The following DSCAML1 variants were observed in gnomAD, a reference collection of about 807,000 sequenced individuals.
DSCAML1 encodes DS cell adhesion molecule like 1.
In DSCAML1, 38 loss-of-function variants were observed where a neutral mutation model predicts 200.5. That is an observed-to-expected ratio of 0.19 (90% CI 0.15 to 0.25). DSCAML1 has a LOEUF of 0.25. DSCAML1 is among the 10% of genes least tolerant of loss of function. The probability of loss-of-function intolerance (pLI) is 1.00; values close to 1 mark genes in which losing one functional copy is unlikely to be tolerated. For missense variants in DSCAML1, 2,223 were observed against 2,858.8 expected (o/e 0.78, Z 5.07); for synonymous variants, 1,215 against 1,165.0 (o/e 1.04, Z -0.87).
At chr11:117,442,370 G>C (rs3863314) in intron 21 of DSCAML1, among the ~76,000 whole-genome samples, 1 of 150,692 alleles carries the variant, frequency 6.6e-6, no homozygotes, top group East Asian at 1.9e-4. Flanking sequence ...GCATATATTA[G>C]TGTGTATAGT....
intron 3 of DSCAML1, among the ~76,000 whole-genome samples, chr11:117,670,649 G>C (rs1229364379): frequency 2.0e-5 from 3 of 152,164 alleles, no homozygotes; most frequent in Non-Finnish European, 4.4e-5. Flanking sequence ...TGTTCACTAA[G>C]CAGCATAACT....
chr11:117,449,378 G>T (rs527980796), intron 20 of DSCAML1, among the ~76,000 whole-genome samples: 1 of 152,148 alleles, frequency 6.6e-6, no homozygotes, highest in Non-Finnish European at 1.5e-5. Flanking sequence ...GTGGGGGGCC[G>T]CAGTCAGTGG....
intron 3 of DSCAML1, among the ~76,000 whole-genome samples, chr11:117,730,809 C>T (rs1348239638): frequency 6.6e-6 from 1 of 152,186 alleles, no homozygotes; most frequent in East Asian, 1.9e-4. Context: ...CACCTCATAT[C>T]CATCAATGGG....
chr11:117,726,266 C>CGTGTGT lies in DSCAML1; in HGVS notation c.511+50519_511+50524dup, dbSNP rs112110901. Among the ~76,000 whole-genome samples the CGTGTGT allele has an allele frequency of 1.3e-3, 187 of 145,810 alleles. 1 individual carries two copies. Among genetic ancestry groups the CGTGTGT allele is most frequent in the African/African-American group, 2.9e-3 (114 of 39,384 alleles). ...GTGTGTATCTCTGTGTGTGTGTGTG[C>CGTGTGT]GTGTGTGTGTGTGTGTGTGTGTGTG... is the stretch of plus-strand genomic sequence containing the variant. On this transcript the variant is annotated intron_variant, in intron 3 of 32. Coordinates refer to ENST00000651296, the MANE Select transcript of DSCAML1 (RefSeq NM_020693.4).
rs147588380 is a variant in DSCAML1, at chr11:117,532,418, C to A, written c.616G>T (p.Gly206Trp). ...GCCCCATTGCTCTGCCGGGTCTCCCCGCTATACTTGTGCTTGGTGATGCAG... is the reference window on the plus strand; with the variant it reads ...GCCCCATTGCTCTGCCGGGTCTCCCAGCTATACTTGTGCTTGGTGATGCAG... ...YRCITKHKYS[G>W]ETRQSNGARL... The change falls in exon 4 of 33, where the codon GGG (glycine) becomes TGG (tryptophan). Residue 206 changes from glycine (G) to tryptophan (W), a missense_variant. Coordinates refer to ENST00000651296, the MANE Select transcript of DSCAML1 (RefSeq NM_020693.4). The A allele has an allele frequency of 6.2e-7, 1 of 1,614,142 alleles. No individual in the cohort carries two copies. The highest frequency in any genetic ancestry group is 1.1e-5 in the South Asian group (1 of 91,070).
intron 3 of DSCAML1, among the ~76,000 whole-genome samples, chr11:117,746,618 C>A (rs888010002): frequency 6.6e-6 from 1 of 152,210 alleles, no homozygotes; most frequent in Non-Finnish European, 1.5e-5. Flanking sequence ...TGGCCTCCTC[C>A]TCAGACCCCT....
At chr11:117,755,191 G>A (rs755589720) in intron 3 of DSCAML1, among the ~76,000 whole-genome samples, 39 of 152,068 alleles carry the variant, frequency 2.6e-4, no homozygotes, top group Non-Finnish European at 5.0e-4. Context: ...CTTCTCTATG[G>A]ATCCCCTAAA....
chr11:117,587,290 T>C (rs905118994), intron 3 of DSCAML1, among the ~76,000 whole-genome samples: 1 of 141,376 alleles, frequency 7.1e-6, no homozygotes, highest in Non-Finnish European at 1.5e-5. Flanking sequence ...ATGATTCCTA[T>C]ATTGTAGTGG....
Position 117,501,778 on chromosome 11 carries a change from C to T in DSCAML1, c.2359+2067G>A, listed in dbSNP as rs114488491. Among the ~76,000 whole-genome samples, 1,384 of 151,996 alleles carry T rather than the reference C, an allele frequency of 9.1e-3. 26 individuals carry two copies. Among genetic ancestry groups the T allele is most frequent in the African/African-American group, 0.032 (1,321 of 41,402 alleles). ...GGTGCCCTGAGCGGGATGACGTGAC[C>T]CCGAGGTGTGGAGAGACAGCAGCTG... On this transcript the variant is annotated intron_variant, in intron 11 of 32. Transcript: ENST00000651296.
At chr11:117,594,626 C>A (rs1279995741) in intron 3 of DSCAML1, among the ~76,000 whole-genome samples, 1 of 152,262 alleles carries the variant, frequency 6.6e-6, no homozygotes. Context: ...ATCACCTCCA[C>A]CTGACATCCC....
chr11:117,709,576 C>G (rs963562552), intron 3 of DSCAML1, among the ~76,000 whole-genome samples: 1 of 151,990 alleles, frequency 6.6e-6, no homozygotes, highest in Non-Finnish European at 1.5e-5. Flanking sequence ...ATAACGGCAG[C>G]CAAAAAGGAT....
chr11:117,727,142 G>A (rs907536819), intron 3 of DSCAML1, among the ~76,000 whole-genome samples: 3 of 152,162 alleles, frequency 2.0e-5, no homozygotes, highest in African/African-American at 7.2e-5. Flanking sequence ...ATGGAGGTAG[G>A]GAGAGGTTAA....
intron 3 of DSCAML1, among the ~76,000 whole-genome samples, chr11:117,603,918 AT>A (rs1046641167): frequency 1.4e-4 from 21 of 152,238 alleles, no homozygotes; most frequent in African/African-American, 5.1e-4. Flanking sequence ...CAGATATCTT[AT>A]TTGTAATCGC....
intron 21 of DSCAML1, among the ~76,000 whole-genome samples, chr11:117,442,780 G>C (rs2048094801): frequency 6.6e-6 from 1 of 152,268 alleles, no homozygotes; most frequent in East Asian, 1.9e-4. Context: ...TGGTGGTAGG[G>C]GTTAGGGGGT....
chr11:117,812,711 C>T (rs988104322), intron 1 of DSCAML1, among the ~76,000 whole-genome samples: 2 of 149,538 alleles, frequency 1.3e-5, no homozygotes, highest in Non-Finnish European at 3.0e-5. Context: ...GCATAATTCT[C>T]GTAAAAACAC....
At chr11:117,744,349 C>T (rs1330408835) in intron 3 of DSCAML1, among the ~76,000 whole-genome samples, 1 of 152,220 alleles carries the variant, frequency 6.6e-6, no homozygotes, top group Non-Finnish European at 1.5e-5. Context: ...CTTAGTGCCT[C>T]CACGACACTT....
chr11:117,713,645 A>G (rs1476714311), intron 3 of DSCAML1, among the ~76,000 whole-genome samples: 3 of 152,232 alleles, frequency 2.0e-5, no homozygotes, highest in Non-Finnish European at 4.4e-5. Context: ...TAATAGATTC[A>G]TTAATTATAC....
At chr11:117,752,034 A>G (rs1026915671) in intron 3 of DSCAML1, among the ~76,000 whole-genome samples, 2 of 145,444 alleles carry the variant, frequency 1.4e-5, no homozygotes, top group African/African-American at 5.7e-5. Context: ...CACAAACCTC[A>G]GCTCTGTGTG....
chr11:117,673,441 G>T (rs544478069), intron 3 of DSCAML1, among the ~76,000 whole-genome samples: 242 of 152,272 alleles, frequency 1.6e-3, no homozygotes, highest in African/African-American at 5.5e-3. Context: ...ATGCTTGAGA[G>T]AGTGCTTTTC....
Sources: gnomAD v4.1 joint callset for allele counts (sites outside exome capture counted in the v4.1 genomes callset) on GRCh38, gnomAD v4.1.1 for gene constraint, MANE v1.5 for transcripts, NCBI Gene and HGNC (gene_info 2026-07-23, HGNC 2026-07-21) for gene names.